AGTPBP1: variants seen among roughly 807,000 people sequenced by gnomAD.
The protein encoded by AGTPBP1 is ATP/GTP binding carboxypeptidase 1.
A neutral mutation model predicts 143.9 loss-of-function variants in AGTPBP1; 70 were observed. That is an observed-to-expected ratio of 0.49 (90% CI 0.40 to 0.59). AGTPBP1 has a LOEUF of 0.59. Ranked by LOEUF, AGTPBP1 falls within the 20% of genes least tolerant of loss-of-function variation. The pLI is 0.00. For synonymous variants in AGTPBP1, 463 were observed against 500.2 expected, an observed-to-expected ratio of 0.93 and a Z score of 0.99; for missense variants, 1,229 against 1,464.5, an observed-to-expected ratio of 0.84 and a Z score of 2.62.
the AGTPBP1 span, among the ~76,000 whole-genome samples, chr9:85,784,472 T>C: frequency 6.6e-6 from 1 of 152,226 alleles, no homozygotes; most frequent in African/African-American, 2.4e-5. Context: ...TAGTGGTACA[T>C]TCATGGCTCA....
chr9:85,550,050 T>C (rs1028126841), intron 25 of AGTPBP1, among the ~76,000 whole-genome samples: 5 of 152,156 alleles, frequency 3.3e-5, no homozygotes, highest in African/African-American at 1.2e-4. Flanking sequence ...AGCTGAAGTA[T>C]ACAGCACACA....
Position 85,741,740 on chromosome 9 carries a change from C to A in AGTPBP1, c.-34+35G>T, listed in dbSNP as rs780913724. 4 of 1,283,596 alleles carry A rather than the reference C, an allele frequency of 3.1e-6. No homozygotes were observed. In the South Asian group the frequency reaches 9.5e-5, roughly 31 times the overall value. 79.5% of individuals were successfully genotyped at this position (1,283,596 alleles called of 1,614,324 possible). A position where few individuals can be genotyped will look rare whatever the true frequency, so the allele number is the denominator to read the frequency against. ...GGCCCGGGGAGAGCAGAGGGACGGC[C>A]GGCCGGGACATGAGGACTGCAGCAG... On this transcript the variant is annotated intron_variant, in intron 1 of 25. Transcript: ENST00000357081.
intron 2 of AGTPBP1, among the ~76,000 whole-genome samples, chr9:85,709,101 T>C (rs541512389): frequency 6.6e-6 from 1 of 152,030 alleles, no homozygotes; most frequent in Non-Finnish European, 1.5e-5. Context: ...TCCAAAAATA[T>C]ATGAAAAGGA....
chr9:85,549,660 T>C (rs566260609), intron 25 of AGTPBP1, among the ~76,000 whole-genome samples: 2 of 152,318 alleles, frequency 1.3e-5, no homozygotes, highest in South Asian at 2.1e-4. Context: ...ATGCCCAGGA[T>C]AGAGCTAAAT....
intron 2 of AGTPBP1, among the ~76,000 whole-genome samples, chr9:85,706,667 G>A (rs927926889): frequency 2.6e-5 from 4 of 151,766 alleles, no homozygotes; most frequent in African/African-American, 9.7e-5. Context: ...TCAGGAGATC[G>A]AGACTATCCT....
Position 85,741,828 on chromosome 9 carries a change from A to C in AGTPBP1, c.-87T>G, listed in dbSNP as rs10114347. ...CGCGCAGAGCCGCAGCACCCGGCTCAGCACCTGGATCACGGCGGATCCCTC... is the reference window on the plus strand; with the variant it reads ...CGCGCAGAGCCGCAGCACCCGGCTCCGCACCTGGATCACGGCGGATCCCTC... On this transcript the variant is annotated 5_prime_UTR_variant, in exon 1 of 26. Coordinates refer to ENST00000357081, the MANE Select transcript of AGTPBP1 (RefSeq NM_001330701.2). 21 of 1,397,884 alleles carry C rather than the reference A, an allele frequency of 1.5e-5. No homozygotes were observed. The African/African-American group carries it at 2.9e-4, about 19-fold the overall frequency. The allele number at this position is 1,397,884 out of a possible 1,614,324, so 86.6% of individuals were successfully genotyped here. A position where few individuals can be genotyped will look rare whatever the true frequency, so the allele number is the denominator to read the frequency against.
At chr9:85,686,603 A>G (rs1232769411) in intron 3 of AGTPBP1, among the ~76,000 whole-genome samples, 1 of 152,188 alleles carries the variant, frequency 6.6e-6, no homozygotes, top group East Asian at 1.9e-4. Flanking sequence ...TTTATAAAGC[A>G]TAAGATTGTG....
intron 24 of AGTPBP1, among the ~76,000 whole-genome samples, chr9:85,576,717 G>A (rs1178045614): frequency 6.6e-6 from 1 of 152,130 alleles, no homozygotes; most frequent in African/African-American, 2.4e-5. Context: ...AGTGTGTGTG[G>A]AGAGGTTGGG....
chr9:85,727,322 G>A (rs1001310392), intron 1 of AGTPBP1, among the ~76,000 whole-genome samples: 28 of 152,028 alleles, frequency 1.8e-4, no homozygotes, highest in Non-Finnish European at 3.2e-4. Context: ...GGGGGACATC[G>A]TCTCAAAAAA....
At chr9:85,791,746 T>C in the AGTPBP1 span, among the ~76,000 whole-genome samples, 1 of 152,106 alleles carries the variant, frequency 6.6e-6, no homozygotes, top group South Asian at 2.1e-4. Context: ...TTATACTGGT[T>C]TTTATTTTTT....
intron 1 of AGTPBP1, among the ~76,000 whole-genome samples, chr9:85,721,812 T>C (rs1232268887): frequency 1.3e-5 from 2 of 152,164 alleles, no homozygotes; most frequent in Non-Finnish European, 2.9e-5. Context: ...CTGGTACCAG[T>C]TGTTCCTTTC....
At chr9:85,580,884 G>A (rs1026878336) in intron 23 of AGTPBP1, among the ~76,000 whole-genome samples, 4 of 152,144 alleles carry the variant, frequency 2.6e-5, no homozygotes, top group Non-Finnish European at 5.9e-5. Flanking sequence ...ATATTGTCAT[G>A]GGAAAAAGTT....
chr9:85,685,710 A>C (rs1764455467), intron 3 of AGTPBP1, among the ~76,000 whole-genome samples: 1 of 152,094 alleles, frequency 6.6e-6, no homozygotes, highest in South Asian at 2.1e-4. Flanking sequence ...AAAATGGTAA[A>C]TATCTCTGCA....
At chr9:85,643,806 A>T (rs558325392) in intron 12 of AGTPBP1, among the ~76,000 whole-genome samples, 17 of 152,150 alleles carry the variant, frequency 1.1e-4, no homozygotes, top group Non-Finnish European at 2.4e-4. Flanking sequence ...ATTATCTACT[A>T]CCCAAGCTAT....
rs142243703 is a variant in AGTPBP1 at position 85,560,986 on chromosome 9, C to T, written c.3504-13700G>A. On this transcript the variant is annotated intron_variant, in intron 25 of 25. Transcript: ENST00000357081. The stretch of plus-strand genomic sequence containing the variant: ...CTCCAAATTTAAGAAACTTTGGGAA[C>T]CCCAAGCAAAATAAAAAGAAAATCA... Among the ~76,000 whole-genome samples, 319 of 152,174 alleles carry T rather than the reference C, an allele frequency of 2.1e-3. 1 individual carries two copies. Among genetic ancestry groups the T allele is most frequent in the African/African-American group, 6.4e-3 (267 of 41,532 alleles).
intron 1 of AGTPBP1, among the ~76,000 whole-genome samples, chr9:85,718,768 G>C (rs1353958394): frequency 6.6e-6 from 1 of 152,136 alleles, no homozygotes; most frequent in Non-Finnish European, 1.5e-5. Context: ...CAATGGTATT[G>C]ACTAGGTTTT....
chr9:85,572,004 G>GTTTTTTTTTTTTTTTTT (rs55882437), intron 25 of AGTPBP1, among the ~76,000 whole-genome samples: 7 of 43,496 alleles, frequency 1.6e-4, no homozygotes, highest in Admixed American at 3.3e-4. Flanking sequence ...GTTTGTGTGT[G>GTTTTTTTTTTTTTTTTT]TTTTTTTTTT....
At chr9:85,623,071 G>A (rs1831043758) in intron 14 of AGTPBP1, among the ~76,000 whole-genome samples, 2 of 152,076 alleles carry the variant, frequency 1.3e-5, no homozygotes, top group South Asian at 2.1e-4. Flanking sequence ...AAAGAGCTCG[G>A]GCCCGACAGG....
Position 85,633,971 on chromosome 9 carries a change from G to A in AGTPBP1, c.1303-597C>T, listed in dbSNP as rs368017618. 1.9e-4 allele frequency among the ~76,000 whole-genome samples: 29 copies of A among 151,176 alleles called. No individual in the cohort carries two copies. The South Asian group carries it at 3.1e-3, about 16-fold the overall frequency. On this transcript the variant is annotated intron_variant, in intron 13 of 25. Transcript: ENST00000357081. ...CTTTGGGAGGCTGAGGCAGGGAGAT[G>A]ACCTGAGGTCAGGAGTTCAAGACCA... is the stretch of plus-strand genomic sequence containing the variant.
Sources: allele counts gnomAD v4.1 joint callset (sites outside exome capture counted in the v4.1 genomes callset), GRCh38; gene constraint gnomAD v4.1.1; transcripts MANE v1.5; gene names NCBI Gene and HGNC (gene_info 2026-07-23, HGNC 2026-07-21).